BABAM2: variants seen among roughly 807,000 people sequenced by gnomAD.
BABAM2 encodes BRISC and BRCA1-A complex member 2.
In BABAM2, 31 loss-of-function variants were observed where a neutral mutation model predicts 54.7. That is an observed-to-expected ratio of 0.57 (90% CI 0.43 to 0.77). The LOEUF is 0.77. Ranked by LOEUF, BABAM2 falls within the 30% of genes least tolerant of loss-of-function variation. BABAM2 has a pLI of 0.00. For synonymous variants in BABAM2, 167 were observed against 162.9 expected, an observed-to-expected ratio of 1.03 and a Z score of -0.19; for missense variants, 364 against 455.8, an observed-to-expected ratio of 0.80 and a Z score of 1.83.
chr2:28,161,715 C>G (rs1020987302), intron 7 of BABAM2, among the ~76,000 whole-genome samples: 3 of 152,132 alleles, frequency 2.0e-5, no homozygotes, highest in Admixed American at 6.5e-5. Context: ...CTTTTTGGCT[C>G]TTGTTCCCCT....
chr2:28,252,900 A>G (rs1423211564), intron 10 of BABAM2, among the ~76,000 whole-genome samples: 1 of 152,250 alleles, frequency 6.6e-6, no homozygotes, highest in Non-Finnish European at 1.5e-5. Flanking sequence ...ATGCTGTCAA[A>G]TTAACAACTG....
chr2:27,989,417 GTGGGGGAATGACATAAGCACAT>G (rs1177794685), intron 4 of BABAM2, among the ~76,000 whole-genome samples: 2 of 152,154 alleles, frequency 1.3e-5, no homozygotes, highest in African/African-American at 2.4e-5. Flanking sequence ...AGTATTTCAG[GTGGGGGAATGACATAAGCACAT>G]TGGGGGAATG....
At chr2:27,972,217 G>C (rs1446429910) in intron 3 of BABAM2, among the ~76,000 whole-genome samples, 1 of 152,142 alleles carries the variant, frequency 6.6e-6, no homozygotes, top group Non-Finnish European at 1.5e-5. Context: ...ATTTAACCTG[G>C]AGAAGAGAAG....
intron 10 of BABAM2, among the ~76,000 whole-genome samples, chr2:28,263,505 A>G (rs1684719221): frequency 6.6e-6 from 1 of 152,244 alleles, no homozygotes; most frequent in Admixed American, 6.5e-5. Flanking sequence ...GGTTAGGGAT[A>G]GGTTACAGAT....
chr2:28,016,477 G>T, intron 4 of BABAM2: 4 of 1,181,776 alleles, frequency 3.4e-6, no homozygotes, highest in Non-Finnish European at 5.0e-6. Flanking sequence ...TGTCCCACTT[G>T]CCCATGGTGC....
At chr2:28,026,986 A>AT (rs1675903440) in intron 5 of BABAM2, among the ~76,000 whole-genome samples, 1 of 117,460 alleles carries the variant, frequency 8.5e-6, no homozygotes, top group Non-Finnish European at 1.6e-5. Flanking sequence ...ATAAATATAT[A>AT]TAAAAATATA....
At chr2:27,993,431 A>T (rs184484832) in intron 4 of BABAM2, among the ~76,000 whole-genome samples, 2 of 152,170 alleles carry the variant, frequency 1.3e-5, no homozygotes, top group Admixed American at 1.3e-4. Context: ...ATTTGGAGGG[A>T]TAAAAATAAA....
chr2:28,134,489 A>T (rs1314481449), intron 7 of BABAM2: 1 of 152,232 alleles, frequency 6.6e-6, no homozygotes, highest in Non-Finnish European at 1.5e-5. Flanking sequence ...GGCTTGAGCC[A>T]CTTTGTGGGA....
intron 2 of BABAM2, 53 bp from the exon 3 acceptor site, chr2:27,929,779 A>T (rs1357633585): frequency 3.9e-6 from 6 of 1,521,882 alleles, no homozygotes; most frequent in Non-Finnish European, 5.5e-6. Flanking sequence ...GTGGGTTTTT[A>T]AAGTTTGTTT....
intron 3 of BABAM2, among the ~76,000 whole-genome samples, chr2:27,964,002 A>G (rs1375694718): frequency 6.6e-6 from 1 of 152,218 alleles, no homozygotes. Context: ...ATGGTTTGCC[A>G]TATTGAGGCT....
intron 5 of BABAM2, among the ~76,000 whole-genome samples, chr2:28,032,273 T>G (rs1291818535): frequency 6.6e-6 from 1 of 152,170 alleles, no homozygotes; most frequent in Non-Finnish European, 1.5e-5. Flanking sequence ...GCTCTAAAAG[T>G]ATGAGGCTTT....
At chr2:28,264,115 T>C (rs975129221) in intron 10 of BABAM2, among the ~76,000 whole-genome samples, 2 of 152,240 alleles carry the variant, frequency 1.3e-5, no homozygotes, top group Admixed American at 1.3e-4. Flanking sequence ...TTTAGTTCCA[T>C]ACTAGTCTTT....
At chr2:27,932,830 G>T (rs890884944) in intron 3 of BABAM2, among the ~76,000 whole-genome samples, 1 of 152,142 alleles carries the variant, frequency 6.6e-6, no homozygotes. Flanking sequence ...CATTATTACA[G>T]GTCAAAGCTT....
chr2:27,889,067 C>T (rs986747866), upstream of BABAM2, among the ~76,000 whole-genome samples: 1 of 152,228 alleles, frequency 6.6e-6, no homozygotes, highest in African/African-American at 2.4e-5. Context: ...ACACAGTCTC[C>T]TACTCATCCT....
chr2:28,212,346 A>G (rs1679539937), intron 7 of BABAM2, among the ~76,000 whole-genome samples: 1 of 152,170 alleles, frequency 6.6e-6, no homozygotes, highest in Non-Finnish European at 1.5e-5. Context: ...CTTTTGTTCT[A>G]GAGGAACTGC....
intron 10 of BABAM2, among the ~76,000 whole-genome samples, chr2:28,273,151 G>A (rs1295539746): frequency 6.6e-6 from 1 of 152,166 alleles, no homozygotes; most frequent in African/African-American, 2.4e-5. Flanking sequence ...AGCTTTTAAT[G>A]GCAGACCAGT....
At chr2:27,976,461 G>A (rs1293005342) in intron 3 of BABAM2, among the ~76,000 whole-genome samples, 2 of 152,098 alleles carry the variant, frequency 1.3e-5, no homozygotes, top group African/African-American at 2.4e-5. Context: ...GTCTCAAAAG[G>A]TTACATACTG....
intron 7 of BABAM2, among the ~76,000 whole-genome samples, chr2:28,193,044 C>T (rs897347196): frequency 6.6e-6 from 1 of 151,590 alleles, no homozygotes; most frequent in Non-Finnish European, 1.5e-5. Context: ...CGTGGTGGTG[C>T]GCACCTGTAA....
At chr2:28,214,006 G>T (rs1326188147) in intron 7 of BABAM2, among the ~76,000 whole-genome samples, 1 of 151,726 alleles carries the variant, frequency 6.6e-6, no homozygotes, top group African/African-American at 2.4e-5. Context: ...AGCAGAAATG[G>T]TGCAGAGTCT....
Sources: gnomAD v4.1 joint callset for allele counts (sites outside exome capture counted in the v4.1 genomes callset) on GRCh38, gnomAD v4.1.1 for gene constraint, MANE v1.5 for transcripts, NCBI Gene and HGNC (gene_info 2026-07-23, HGNC 2026-07-21) for gene names.